QKI: variants seen among roughly 807,000 people sequenced by gnomAD.
The protein encoded by QKI is KH domain-containing RNA-binding protein QKI.
A neutral mutation model predicts 39.0 loss-of-function variants in QKI; 10 were observed. That is an observed-to-expected ratio of 0.26 (90% confidence interval 0.16 to 0.43). The LOEUF (loss-of-function observed/expected upper bound fraction) is 0.43, where lower values mean the gene tolerates loss of function less well. Ranked by LOEUF, QKI falls within the 20% of genes least tolerant of loss-of-function variation. The probability of loss-of-function intolerance (pLI) is 1.00; values close to 1 mark genes in which losing one functional copy is unlikely to be tolerated. For synonymous variants in QKI, 204 were observed against 155.4 expected, an observed-to-expected ratio of 1.31 and a Z score of -2.33; for missense variants, 218 against 428.0, an observed-to-expected ratio of 0.51 and a Z score of 4.33.
intron 3 of QKI, among the ~76,000 whole-genome samples, chr6:163,493,681 C>T (rs2128229133): frequency 1.3e-5 from 2 of 152,172 alleles, no homozygotes; most frequent in South Asian, 4.2e-4. Context: ...TTGGACCCTT[C>T]TCTAACTTAA....
chr6:163,539,588 G>A (rs951976490), intron 4 of QKI, among the ~76,000 whole-genome samples: 1 of 152,092 alleles, frequency 6.6e-6, no homozygotes, highest in African/African-American at 2.4e-5. Flanking sequence ...GCGGCAGAAT[G>A]TCCAGTAGTG....
chr6:163,522,544 A>T (rs114969292), intron 3 of QKI, among the ~76,000 whole-genome samples: 11 of 151,898 alleles, frequency 7.2e-5, no homozygotes, highest in Admixed American at 2.0e-4. Flanking sequence ...AGTTCTTTTC[A>T]TTTTGTCTCT....
chr6:163,497,980 A>G (rs1042036920), intron 3 of QKI, among the ~76,000 whole-genome samples: 1 of 152,124 alleles, frequency 6.6e-6, no homozygotes, highest in Non-Finnish European at 1.5e-5. Flanking sequence ...GGCCTTATGA[A>G]GTTTTTGATA....
At chr6:163,539,024 A>C (rs1312338036) in intron 4 of QKI, among the ~76,000 whole-genome samples, 1 of 152,246 alleles carries the variant, frequency 6.6e-6, no homozygotes, top group Non-Finnish European at 1.5e-5. Context: ...ATGTAGAATT[A>C]AGAATTGTCA....
At chr6:163,438,049 A>G (rs1245475276) in intron 1 of QKI, among the ~76,000 whole-genome samples, 1 of 152,182 alleles carries the variant, frequency 6.6e-6, no homozygotes, top group Non-Finnish European at 1.5e-5. Flanking sequence ...GGAACTTAGT[A>G]AAAATGAGTT....
intron 1 of QKI, among the ~76,000 whole-genome samples, chr6:163,434,411 A>G (rs1001627430): frequency 6.6e-6 from 1 of 152,184 alleles, no homozygotes; most frequent in Non-Finnish European, 1.5e-5. Flanking sequence ...AAAATAAGAT[A>G]TTTTTGAACT....
chr6:163,423,616 T>G (rs1788180052), intron 1 of QKI: 1 of 152,212 alleles, frequency 6.6e-6, no homozygotes, highest in Non-Finnish European at 1.5e-5. Context: ...ACCAAATGAT[T>G]TTTTGCTAAT....
chr6:163,449,031 G>T (rs983407830), intron 1 of QKI, among the ~76,000 whole-genome samples: 29 of 151,984 alleles, frequency 1.9e-4, no homozygotes, highest in Non-Finnish European at 3.4e-4. Context: ...TAATATTATT[G>T]TTTTAAGATT....
chr6:163,496,530 C>T (rs535671117), intron 3 of QKI, among the ~76,000 whole-genome samples: 5 of 152,096 alleles, frequency 3.3e-5, no homozygotes, highest in African/African-American at 7.2e-5. Flanking sequence ...TCCATTCTTC[C>T]GCCCTTTTCT....
intron 3 of QKI, among the ~76,000 whole-genome samples, chr6:163,514,437 T>C (rs1779670292): frequency 6.6e-6 from 1 of 152,200 alleles, no homozygotes; most frequent in Non-Finnish European, 1.5e-5. Context: ...TCCTAACTTT[T>C]TTTCTGGTGG....
At chr6:163,441,279 G>A (rs1326866047) in intron 1 of QKI, among the ~76,000 whole-genome samples, 7 of 152,136 alleles carry the variant, frequency 4.6e-5, no homozygotes, top group South Asian at 2.1e-4. Context: ...AGAATAAAGA[G>A]ACCAAGCCAT....
intron 3 of QKI, among the ~76,000 whole-genome samples, chr6:163,534,425 A>G (rs921009753): frequency 6.6e-5 from 10 of 152,304 alleles, no homozygotes; most frequent in African/African-American, 1.9e-4. Context: ...ACCTTTTCTA[A>G]TGCTGAATAC....
intron 3 of QKI, among the ~76,000 whole-genome samples, chr6:163,517,094 T>TAG (rs1554271513): frequency 1.3e-4 from 19 of 149,544 alleles, no homozygotes; most frequent in East Asian, 9.7e-4. Flanking sequence ...TCTCTCTCTC[T>TAG]CTCTCTCTAG....
chr6:163,553,360 C>T (rs1782384710), intron 4 of QKI, among the ~76,000 whole-genome samples: 1 of 152,066 alleles, frequency 6.6e-6, no homozygotes, highest in African/African-American at 2.4e-5. Context: ...ACCTGGCCTC[C>T]CAAAGTGCTG....
At chr6:163,552,971 A>G (rs963542558) in intron 4 of QKI, among the ~76,000 whole-genome samples, 4 of 151,288 alleles carry the variant, frequency 2.6e-5, no homozygotes, top group South Asian at 4.2e-4. Flanking sequence ...CAGTGGGTAT[A>G]CTTTTCTTAG....
chr6:163,495,729 C>CG (rs1470514595), intron 3 of QKI, among the ~76,000 whole-genome samples: 1 of 152,132 alleles, frequency 6.6e-6, no homozygotes, highest in African/African-American at 2.4e-5. Context: ...TCAGACTTTT[C>CG]ATTATCTTTT....
Position 163,566,767 on chromosome 6 carries a change from T to A in QKI, c.981T>A (p.Pro327=). Residue 327 remains proline (P), a synonymous_variant, in exon 7 of 8, where the codon CCT becomes CCA. Transcript: ENST00000361752. ...GAAGGCACGATATGCGTGTCCATCC[T>A]TACCAAAGGATTGTGACCGCAGACC... The part of the protein sequence containing the change: ...KVRRHDMRVH[P]YQRIVTADRA... The A allele has an allele frequency of 6.2e-7, 1 of 1,613,902 alleles. No homozygotes were observed. The highest frequency in any genetic ancestry group is 8.5e-7 in the Non-Finnish European group (1 of 1,179,882).
At chr6:163,465,501 G>A (rs765693252) in intron 2 of QKI, among the ~76,000 whole-genome samples, 3 of 151,594 alleles carry the variant, frequency 2.0e-5, no homozygotes, top group Non-Finnish European at 4.4e-5. Flanking sequence ...GGTGATGCAT[G>A]CCTGTAATCC....
chr6:163,495,347 TC>T (rs1437110884), intron 3 of QKI, among the ~76,000 whole-genome samples: 1 of 152,194 alleles, frequency 6.6e-6, no homozygotes, highest in Non-Finnish European at 1.5e-5. Flanking sequence ...AATTCAGTGT[TC>T]CTGGTGACTT....
Sources: gnomAD v4.1 joint callset for allele counts (sites outside exome capture counted in the v4.1 genomes callset) on GRCh38, gnomAD v4.1.1 for gene constraint, MANE v1.5 for transcripts, NCBI Gene and HGNC (gene_info 2026-07-23, HGNC 2026-07-21) for gene names.